Variants in LAMA2 observed in about 807,000 individuals in gnomAD.
The protein encoded by LAMA2 is laminin subunit alpha 2.
In LAMA2, 269 loss-of-function variants were observed where a neutral mutation model predicts 364.8. The ratio of observed to expected loss-of-function variants is 0.74; its 90% CI spans 0.67 to 0.82. The LOEUF (loss-of-function observed/expected upper bound fraction) is 0.82. LAMA2 is among the 40% of genes least tolerant of loss of function. LAMA2 has a pLI of 0.00. For synonymous variants in LAMA2, 1,379 were observed against 1,370.6 expected (o/e 1.01, Z -0.14); for missense variants, 3,807 against 3,873.2 (o/e 0.98, Z 0.45).
intron 4 of LAMA2, among the ~76,000 whole-genome samples, chr6:129,103,481 A>G (rs999617631): frequency 6.6e-5 from 10 of 152,090 alleles, no homozygotes; most frequent in Admixed American, 5.2e-4. Flanking sequence ...GGTTTCATTC[A>G]TTTTACCAAT....
chr6:129,404,084 T>C, intron 40 of LAMA2, 125 bp downstream of exon 40: 1 of 1,038,592 alleles, frequency 9.6e-7, no homozygotes. Context: ...TGAAGACCTC[T>C]TTTAAAATTT....
At chr6:129,499,128 A>T (rs1468982691) in intron 58 of LAMA2, among the ~76,000 whole-genome samples, 1 of 152,198 alleles carries the variant, frequency 6.6e-6, no homozygotes, top group African/African-American at 2.4e-5. Flanking sequence ...AAGCAAAGGC[A>T]AATGAAAAAC....
rs1778377033 is a variant in LAMA2 at position 129,145,418 on chromosome 6, A to C, written c.819+1338A>C. Among the ~76,000 whole-genome samples the C allele has an allele frequency of 2.0e-5, 3 of 151,980 alleles. 1 individual carries two copies. The South Asian group carries it at 6.2e-4, about 31-fold the overall frequency. ...ACATATTGTAAATTGTCTCATGCAA[A>C]ACTAATCATTATTTTATAGCAATGT... On this transcript the variant is annotated intron_variant, in intron 5 of 64. Coordinates refer to ENST00000421865, the MANE Select transcript of LAMA2 (RefSeq NM_000426.4).
At chr6:129,505,849 ATAGAT>A (rs1051873926) in intron 61 of LAMA2, among the ~76,000 whole-genome samples, 5 of 151,812 alleles carry the variant, frequency 3.3e-5, no homozygotes, top group African/African-American at 1.2e-4. Flanking sequence ...GGTTTTTTAG[ATAGAT>A]TAGATTATGA....
intron 8 of LAMA2, among the ~76,000 whole-genome samples, chr6:129,156,430 T>C (rs2114979437): frequency 6.6e-6 from 1 of 151,938 alleles, no homozygotes; most frequent in South Asian, 2.1e-4. Flanking sequence ...TGCATGACTG[T>C]AAAAAAAATT....
At chr6:129,167,467 C>T (rs1779831488) in intron 9 of LAMA2, among the ~76,000 whole-genome samples, 1 of 151,938 alleles carries the variant, frequency 6.6e-6, no homozygotes, top group Admixed American at 6.6e-5. Context: ...CAATTTCATC[C>T]ATGTCCCTAC....
intron 9 of LAMA2, among the ~76,000 whole-genome samples, chr6:129,169,396 T>C (rs367768515): frequency 3.4e-5 from 5 of 148,284 alleles, no homozygotes; most frequent in African/African-American, 1.3e-4. Flanking sequence ...TGTCAAAGGC[T>C]TTTTCTGCAT....
intron 1 of LAMA2, among the ~76,000 whole-genome samples, chr6:129,012,724 C>T (rs1366985130): frequency 6.6e-6 from 1 of 152,092 alleles, no homozygotes; most frequent in Non-Finnish European, 1.5e-5. Flanking sequence ...TGTTTTTTAG[C>T]TTATTAAACT....
intron 20 of LAMA2, chr6:129,293,168 G>A: frequency 1.3e-6 from 1 of 789,442 alleles, no homozygotes; most frequent in Non-Finnish European, 1.5e-6. Context: ...CAGTTGCTAA[G>A]TGTGCAAATT....
chr6:128,932,023 C>T (rs184999569), intron 1 of LAMA2, among the ~76,000 whole-genome samples: 7 of 151,980 alleles, frequency 4.6e-5, no homozygotes, highest in Middle Eastern at 3.4e-3. Flanking sequence ...TTGACATTAT[C>T]CTAGCCTTGA....
chr6:129,255,485 C>T (rs1164349168), intron 14 of LAMA2, among the ~76,000 whole-genome samples: 1 of 150,010 alleles, frequency 6.7e-6, no homozygotes, highest in Non-Finnish European at 1.5e-5. Context: ...TAACAGTCAC[C>T]CAGGCCTGTA....
intron 23 of LAMA2, 116 bp downstream of exon 23, chr6:129,313,213 G>A: frequency 1.5e-6 from 1 of 660,382 alleles, no homozygotes; most frequent in Non-Finnish European, 2.6e-6. Context: ...ACAAACAGAT[G>A]GACAAAATCT....
At chr6:129,494,843 T>C (rs1185186601) in intron 58 of LAMA2, among the ~76,000 whole-genome samples, 1 of 152,224 alleles carries the variant, frequency 6.6e-6, no homozygotes, top group East Asian at 1.9e-4. Flanking sequence ...CTCATATACC[T>C]GAAAATCATG....
chr6:128,902,894 T>C (rs888175872), intron 1 of LAMA2, among the ~76,000 whole-genome samples: 1 of 152,202 alleles, frequency 6.6e-6, no homozygotes, highest in African/African-American at 2.4e-5. Context: ...ATTCATTTTA[T>C]CAATGTGTTT....
intron 40 of LAMA2, among the ~76,000 whole-genome samples, chr6:129,404,329 TG>T (rs1442948296): frequency 2.6e-5 from 4 of 152,148 alleles, no homozygotes; most frequent in African/African-American, 9.7e-5. Flanking sequence ...ACACACAAAT[TG>T]GTTACATATG....
In LAMA2 at chr6:129,315,936, A is replaced by G. The variant is rs777291585; in HGVS notation, c.3910A>G (p.Ile1304Val). The G allele has an allele frequency of 6.2e-7, 1 of 1,614,128 alleles. No individual in the cohort carries two copies. Among genetic ancestry groups the G allele is most frequent in the South Asian group, 1.1e-5 (1 of 91,090 alleles). The change falls in exon 26 of 65, where the codon ATT becomes GTT. Residue 1304 changes from isoleucine (I) to valine (V), a missense_variant. Around this residue, in one of 3 missense-constraint regions of LAMA2, gnomAD observed 3,333 missense variants for 3,345.7 expected, o/e 1.00. Transcript: ENST00000421865. ...GATTGGCCAATTGACAAGGCATGAA[A>G]TTGAAATGACAGAGGTAAAGTTAGT... Reference protein sequence around the residue: ...PLIGQLTRHEIEMTEKEWKYY... With the variant: ...PLIGQLTRHEVEMTEKEWKYY...
chr6:129,433,374 C>A (rs557760585), intron 41 of LAMA2, among the ~76,000 whole-genome samples: 2 of 152,252 alleles, frequency 1.3e-5, no homozygotes, highest in East Asian at 1.9e-4. Flanking sequence ...CTCTTCTTTC[C>A]TACCCAGGTC....
intron 1 of LAMA2, among the ~76,000 whole-genome samples, chr6:128,959,043 A>G (rs1781321393): frequency 6.6e-6 from 1 of 152,178 alleles, no homozygotes; most frequent in Non-Finnish European, 1.5e-5. Flanking sequence ...CCATATAAAT[A>G]TTACTCACAG....
At chr6:129,336,000 A>T (rs1317951301) in intron 29 of LAMA2, among the ~76,000 whole-genome samples, 2 of 152,240 alleles carry the variant, frequency 1.3e-5, no homozygotes, top group Non-Finnish European at 2.9e-5. Context: ...GTGAGAACAT[A>T]AAATTTGTCG....
Sources: allele counts gnomAD v4.1 joint callset (sites outside exome capture counted in the v4.1 genomes callset), GRCh38; gene constraint gnomAD v4.1.1; regional missense constraint gnomAD v4.1.1; transcripts MANE v1.5; gene names NCBI Gene and HGNC (gene_info 2026-07-23, HGNC 2026-07-21).